Variants in MAGEC3 observed in about 807,000 individuals in gnomAD.
The protein encoded by MAGEC3 is MAGE family member C3, also known as melanoma-associated antigen C3.
Under a neutral mutation model 35.3 loss-of-function variants are expected in MAGEC3, and 34 were observed. The observed-to-expected ratio is 0.96, with a 90% CI of 0.73 to 1.28. The LOEUF is 1.28. Ranked by LOEUF, MAGEC3 falls within the 50% of genes most tolerant of loss-of-function variation. The pLI, the probability that MAGEC3 is intolerant of heterozygous loss-of-function variation, is 0.00. For synonymous variants in MAGEC3, 202 were observed against 185.6 expected, an observed-to-expected ratio of 1.09 and a Z score of -0.72; for missense variants, 561 against 483.6, an observed-to-expected ratio of 1.16 and a Z score of -1.50.
intron 2 of MAGEC3, among the ~76,000 whole-genome samples, chrX:141,869,043 G>T (rs2017870109): frequency 9.2e-6 from 1 of 108,451 alleles, no homozygotes; most frequent in African/African-American, 3.4e-5. Flanking sequence ...CACCCCACCT[G>T]GCTAATTTTT....
chrX:141,858,747 C>T (rs768434813), intron 1 of MAGEC3, among the ~76,000 whole-genome samples: 2 of 110,470 alleles, frequency 1.8e-5, no homozygotes, highest in Non-Finnish European at 3.8e-5. Context: ...TATTTCTGCT[C>T]CCCACACATA....
chrX:141,867,868 A>G lies in MAGEC3; in HGVS notation c.258+2263A>G, dbSNP rs758118031. Among the ~76,000 whole-genome samples the G allele has an allele frequency of 1.5e-4, 17 of 112,441 alleles. No individual in the cohort carries two copies. The South Asian group carries it at 3.3e-3, about 22-fold the overall frequency. On this transcript the variant is annotated intron_variant, in intron 2 of 7. Transcript: ENST00000298296. ...CTGGGCATGGTGGCTCACGCCTGTA[A>G]TTCCAGCACTTTGGGAGGCCAAGGC...
At chrX:141,858,176 A>G (rs1603058588) in intron 1 of MAGEC3, among the ~76,000 whole-genome samples, 1 of 111,726 alleles carries the variant, frequency 9.0e-6, no homozygotes, top group South Asian at 3.7e-4. Context: ...GAACAATATC[A>G]TTAAAGTTTG....
intron 2 of MAGEC3, among the ~76,000 whole-genome samples, chrX:141,876,537 TC>T (rs760116052): frequency 1.4e-3 from 152 of 112,019 alleles, no homozygotes; most frequent in African/African-American, 4.7e-3. Context: ...CCAGCCTCTT[TC>T]AGTGCTTTCA....
At chrX:141,865,344 G>C in intron 1 of MAGEC3, 127 bp from the exon 2 acceptor site, 1 of 587,340 alleles carries the variant, frequency 1.7e-6, no homozygotes, top group Non-Finnish European at 2.4e-6. Flanking sequence ...TTTTTAATTT[G>C]ACATTTTTTT....
rs759693263 is a variant in MAGEC3, at chrX:141,879,189, A to G, written c.273A>G (p.Leu91=). 9 of 1,189,511 alleles carry G rather than the reference A, an allele frequency of 7.6e-6. No homozygotes were observed. The East Asian group carries it at 1.2e-4, about 16-fold the overall frequency. The stretch of plus-strand genomic sequence containing the variant: ...CCTGCTGCCAGCTCTGGAGGACCCT[A>G]TCAGGGTCCCCAGGTTTACAACTTT... ...CPTYFKLWRT[L]SGSPGLQLSD... is the part of the protein sequence containing the mutation. Residue 91 remains leucine (L), a synonymous_variant, in exon 3 of 8, where the codon CTA becomes CTG. Transcript: ENST00000298296.
intron 2 of MAGEC3, among the ~76,000 whole-genome samples, chrX:141,866,564 T>C (rs1039586492): frequency 2.7e-5 from 3 of 112,510 alleles, no homozygotes; most frequent in Non-Finnish European, 5.6e-5. Context: ...GCGCTTGTAC[T>C]CTACAACTTT....
At chrX:141,839,794 G>T (rs973285953) in intron 1 of MAGEC3, 3 of 623,676 alleles carry the variant, frequency 4.8e-6, no homozygotes, top group African/African-American at 4.9e-5. Context: ...CCACTTAGGG[G>T]ATACTTGCCA....
At chrX:141,875,887 T>C (rs2017917231) in intron 2 of MAGEC3, among the ~76,000 whole-genome samples, 1 of 111,549 alleles carries the variant, frequency 9.0e-6, no homozygotes, top group African/African-American at 3.3e-5. Context: ...ATCCTGGCTA[T>C]GAGCAGAGTC....
rs12390015 is a variant in MAGEC3 at position 141,896,612 on chromosome X, C to G, written c.1124-270C>G. On this transcript the variant is annotated intron_variant, in intron 6 of 7. Coordinates refer to ENST00000298296, the MANE Select transcript of MAGEC3 (RefSeq NM_138702.1). ...CTGTGGGATCCCATCATCCCCATCC[C>G]TGCTCACACGTTTACCTGCTGCTCC... 8.6e-4 allele frequency: 1,021 copies of G among 1,193,982 alleles called. 7 individuals are homozygous for G. In the African/African-American group the frequency reaches 0.016, roughly 18 times the overall value.
chrX:141,897,759 A>G lies in MAGEC3; in HGVS notation c.1859A>G (p.Asp620Gly). Reference protein sequence around the residue: ...DMEDRAQAIIDTTDDATAMAS... With the variant: ...DMEDRAQAIIGTTDDATAMAS... ...GAAGACAGAGCCCAGGCCATAATTG[A>G]CACCACAGATGATGCTACTGCCATG... The change falls in exon 8 of 8, where the codon GAC becomes GGC. Residue 620 changes from aspartate to glycine, a missense_variant. Coordinates refer to ENST00000298296, the MANE Select transcript of MAGEC3 (RefSeq NM_138702.1). 1 of 1,210,950 alleles carries G rather than the reference A, an allele frequency of 8.3e-7. No individual in the cohort carries two copies. The highest frequency in any genetic ancestry group is 1.1e-6 in the Non-Finnish European group (1 of 895,169).
intron 2 of MAGEC3, among the ~76,000 whole-genome samples, chrX:141,871,941 C>T (rs1013397818): frequency 3.8e-5 from 4 of 105,472 alleles, no homozygotes; most frequent in Non-Finnish European, 7.7e-5. Context: ...GGGCAATGAG[C>T]GGGTGCAGGG....
intron 1 of MAGEC3, among the ~76,000 whole-genome samples, chrX:141,850,530 A>G (rs766005479): frequency 3.6e-5 from 4 of 111,284 alleles, no homozygotes; most frequent in African/African-American, 1.3e-4. Flanking sequence ...GGAAGTCAAT[A>G]TTTATTCTAT....
rs778708729 is a variant in MAGEC3 at position 141,879,372 on chromosome X, C to T, written c.456C>T (p.Tyr152=). The T allele has an allele frequency of 1.7e-6, 2 of 1,174,311 alleles. No homozygotes were observed. Among genetic ancestry groups the T allele is most frequent in the Non-Finnish European group, 2.3e-6 (2 of 885,703 alleles). ...CAACATGGAGGAGAGGCACAGGCTA[C>T]ACCCTTTCCCTTCCTGCCGTCAGCC... The part of the protein sequence containing the change: ...DLPTWRRGTG[Y]TLSLPAVSPG... Residue 152 remains tyrosine, a synonymous_variant, in exon 3 of 8, where the codon TAC becomes TAT. Transcript: ENST00000298296.
chrX:141,839,772 G>A lies in MAGEC3; in HGVS notation c.123+1334G>A, dbSNP rs189713898. The A allele has an allele frequency of 2.7e-5, 19 of 716,968 alleles. No homozygotes were observed. In the East Asian group the frequency reaches 3.0e-3, roughly 112 times the overall value. The allele number at this position is 716,968 out of a possible 1,213,427, so 59.1% of individuals were successfully genotyped here. A position where few individuals can be genotyped will look rare whatever the true frequency, so the allele number is the denominator to read the frequency against. On this transcript the variant is annotated intron_variant, in intron 1 of 7. Coordinates refer to ENST00000298296, the MANE Select transcript of MAGEC3 (RefSeq NM_138702.1). ...TTCTTAACTCAGTGGTTCTTAACTG[G>A]AAGAGATTTTGCCACTTAGGGGATA... is the stretch of plus-strand genomic sequence containing the variant.
intron 1 of MAGEC3, among the ~76,000 whole-genome samples, chrX:141,853,558 A>G (rs1179655575): frequency 8.9e-6 from 1 of 111,940 alleles, no homozygotes; most frequent in Non-Finnish European, 1.9e-5. Context: ...TGCTAAAGAA[A>G]ATTATATTTT....
Position 141,897,047 on chromosome X carries a change from A to T in MAGEC3, c.1289A>T (p.Glu430Val), listed in dbSNP as rs1293354274. ...SSPLLWTRLD[E>V]ESSSEEEDTA... ...CCTCTTTTGTGGACCCGATTGGATG[A>T]GGAGTCCAGCAGTGAAGAGGAGGAT... The change falls in exon 7 of 8, where the codon GAG (glutamate) becomes GTG (valine). Residue 430 changes from glutamate (E) to valine (V), a missense_variant. Glu to Val is a moderately radical substitution (Grantham distance 121). Transcript: ENST00000298296. 9.1e-6 allele frequency: 11 copies of T among 1,211,493 alleles called. No individual in the cohort carries two copies. The highest frequency in any genetic ancestry group is 1.1e-5 in the Non-Finnish European group (10 of 895,404).
intron 4 of MAGEC3, among the ~76,000 whole-genome samples, chrX:141,888,298 G>T (rs891791270): frequency 4.5e-5 from 5 of 112,172 alleles, no homozygotes; most frequent in African/African-American, 6.5e-5. Context: ...ATCCCTGAAG[G>T]ACAGTGGTGA....
intron 1 of MAGEC3, among the ~76,000 whole-genome samples, chrX:141,853,000 A>C (rs767761008): frequency 2.2e-4 from 24 of 111,364 alleles, no homozygotes; most frequent in African/African-American, 7.5e-4. Context: ...CTGTTTTTAA[A>C]TCTTTAGTGA....
Sources: gnomAD v4.1 joint callset for allele counts (sites outside exome capture counted in the v4.1 genomes callset) on GRCh38, gnomAD v4.1.1 for gene constraint, MANE v1.5 for transcripts, NCBI Gene and HGNC (gene_info 2026-07-23, HGNC 2026-07-21) for gene names.